The following ADGRV1 variants were observed in gnomAD, a reference collection of about 807,000 sequenced individuals.
ADGRV1 encodes the protein G-protein coupled receptor 98.
ADGRV1 carries 359 observed loss-of-function variants against 596.2 expected under a neutral mutation model. The observed-to-expected ratio is 0.60, with a 90% confidence interval of 0.55 to 0.66. ADGRV1 has a LOEUF of 0.66. Among genes scored for constraint, ADGRV1 ranks in the 30% least tolerant of loss-of-function variants. The pLI, the probability that ADGRV1 is intolerant of heterozygous loss-of-function variation, is 0.00. For missense variants in ADGRV1, 7,274 were observed against 7,575.6 expected (o/e 0.96, Z 1.48); for synonymous variants, 2,681 against 2,679.2 (o/e 1.00, Z -0.02).
chr5:91,129,128 C>G (rs1168315678), intron 87 of ADGRV1, among the ~76,000 whole-genome samples: 2 of 152,204 alleles, frequency 1.3e-5, no homozygotes. Flanking sequence ...AGAGTTAGAA[C>G]TATCTCTGAA....
intron 55 of ADGRV1, 127 bp from the exon 56 acceptor site, chr5:90,756,327 G>A: frequency 1.7e-6 from 1 of 588,408 alleles, no homozygotes; most frequent in South Asian, 3.4e-5. Flanking sequence ...TCTTTTTTAT[G>A]TTTGACAGAG....
intron 87 of ADGRV1, among the ~76,000 whole-genome samples, chr5:91,149,605 G>A (rs187840150): frequency 1.9e-4 from 29 of 152,138 alleles, no homozygotes; most frequent in South Asian, 1.9e-3. Context: ...GCTGAGGTGG[G>A]TGGCTCACTT....
At chr5:90,692,552 A>G (rs1008094628) in intron 31 of ADGRV1, 53 bp from the exon 32 acceptor site, 5 of 1,373,660 alleles carry the variant, frequency 3.6e-6, no homozygotes, top group Non-Finnish European at 5.0e-6. Flanking sequence ...AATCATTTTT[A>G]TTCTAATTTC....
At chr5:90,690,494 C>T (rs1441391598) in intron 30 of ADGRV1, among the ~76,000 whole-genome samples, 3 of 152,114 alleles carry the variant, frequency 2.0e-5, no homozygotes, top group Non-Finnish European at 4.4e-5. Flanking sequence ...AGCAACTGCC[C>T]CTCTGGAGCA....
At chr5:90,970,415 C>T (rs533984568) in intron 84 of ADGRV1, among the ~76,000 whole-genome samples, 3 of 152,178 alleles carry the variant, frequency 2.0e-5, no homozygotes, top group Non-Finnish European at 2.9e-5. Flanking sequence ...TGAGAATGGA[C>T]AGACTGCCTC....
At chr5:91,041,374 A>G (rs1198239108) in intron 85 of ADGRV1, among the ~76,000 whole-genome samples, 1 of 152,120 alleles carries the variant, frequency 6.6e-6, no homozygotes, top group African/African-American at 2.4e-5. Flanking sequence ...TTCTCAGCAA[A>G]CTAATACAGG....
At chr5:90,780,351 C>G (rs373301469) in intron 64 of ADGRV1, among the ~76,000 whole-genome samples, 4 of 152,094 alleles carry the variant, frequency 2.6e-5, no homozygotes, top group Admixed American at 6.6e-5. Context: ...ATTTAATATT[C>G]TAAATCTCAA....
At chr5:91,075,851 T>A (rs10037172) in intron 86 of ADGRV1, among the ~76,000 whole-genome samples, 3 of 152,018 alleles carry the variant, frequency 2.0e-5, no homozygotes, top group South Asian at 2.1e-4. Flanking sequence ...TTCCACGGTC[T>A]GACCCAGGAC....
At chr5:90,629,660 C>A in intron 9 of ADGRV1, 121 bp downstream of exon 9, 2 of 736,080 alleles carry the variant, frequency 2.7e-6, no homozygotes, top group South Asian at 2.1e-5. Flanking sequence ...TATGTTGTTA[C>A]TAAAAGTTGT....
In ADGRV1 at chr5:91,017,943, T is replaced by G. The variant is rs148548253; in HGVS notation, c.18152+32421T>G. Among the ~76,000 whole-genome samples, 589 of 152,064 alleles carry G rather than the reference T, an allele frequency of 3.9e-3. 2 individuals carry two copies. Among genetic ancestry groups the G allele is most frequent in the African/African-American group, 0.012 (499 of 41,534 alleles). ...CATAACTAAATTGTTAACAGAAAAC[T>G]ATAATTTTATATATTCAGCAGTATA... On this transcript the variant is annotated intron_variant, in intron 85 of 89. Transcript: ENST00000405460.
At chr5:90,827,556 C>T (rs191125651) in intron 76 of ADGRV1, among the ~76,000 whole-genome samples, 119 of 152,028 alleles carry the variant, frequency 7.8e-4, no homozygotes, top group Middle Eastern at 3.4e-3. Flanking sequence ...TGTAATATAC[C>T]GAAATCCTTA....
chr5:91,053,494 C>T (rs2151316890), intron 85 of ADGRV1, among the ~76,000 whole-genome samples: 1 of 152,314 alleles, frequency 6.6e-6, no homozygotes, highest in Non-Finnish European at 1.5e-5. Context: ...AGCCCTGCTT[C>T]CCTTTTTAAG....
At chr5:90,728,607 A>AG in intron 48 of ADGRV1, 62 bp from the exon 49 acceptor site, 1 of 1,342,096 alleles carries the variant, frequency 7.5e-7, no homozygotes, top group Non-Finnish European at 1.0e-6. Context: ...GGTATTGATT[A>AG]CATTCTTGCA....
chr5:90,704,364 A>T, intron 35 of ADGRV1, 25 bp from the exon 36 acceptor site: 2 of 1,384,400 alleles, frequency 1.4e-6, no homozygotes, highest in Non-Finnish European at 2.0e-6. Flanking sequence ...CGACAGCGGG[A>T]TTGATTTCTT....
intron 87 of ADGRV1, among the ~76,000 whole-genome samples, chr5:91,143,467 A>T (rs1246617865): frequency 6.6e-6 from 1 of 152,210 alleles, no homozygotes; most frequent in African/African-American, 2.4e-5. Flanking sequence ...GGAGACTCGC[A>T]GTGCTCCTCT....
chr5:90,652,679 T>G (rs913082772), intron 19 of ADGRV1, 116 bp downstream of exon 19: 14 of 629,294 alleles, frequency 2.2e-5, no homozygotes, highest in Non-Finnish European at 3.4e-5. Context: ...AGTATTTGTG[T>G]CATGACTATC....
chr5:90,660,381 C>T (rs936550255), intron 21 of ADGRV1, among the ~76,000 whole-genome samples: 12 of 152,170 alleles, frequency 7.9e-5, no homozygotes, highest in African/African-American at 2.9e-4. Flanking sequence ...GAAACTAAAA[C>T]ATTTGAGAAC....
intron 83 of ADGRV1, among the ~76,000 whole-genome samples, chr5:90,949,969 G>A (rs1041258232): frequency 6.6e-6 from 1 of 152,154 alleles, no homozygotes; most frequent in African/African-American, 2.4e-5. Context: ...AATAATGCAT[G>A]TTAAACATGA....
At chr5:91,022,374 G>A (rs1783713577) in intron 85 of ADGRV1, among the ~76,000 whole-genome samples, 2 of 152,010 alleles carry the variant, frequency 1.3e-5, no homozygotes, top group Admixed American at 6.6e-5. Context: ...AGCCCAAATG[G>A]TGAGACCACT....
Sources: allele counts gnomAD v4.1 joint callset (sites outside exome capture counted in the v4.1 genomes callset), GRCh38; gene constraint gnomAD v4.1.1; transcripts MANE v1.5; gene names NCBI Gene and HGNC (gene_info 2026-07-23, HGNC 2026-07-21).